Variants in AFF3 observed in about 807,000 individuals in gnomAD.
AFF3 encodes ALF transcription elongation factor 3, also known as AF4/FMR2 family member 3.
In AFF3, 32 loss-of-function variants were observed where a neutral mutation model predicts 129.7. The observed-to-expected ratio is 0.25, with a 90% CI of 0.19 to 0.33. The LOEUF is 0.33. AFF3 is among the 10% of genes least tolerant of loss of function. The pLI, the probability that AFF3 is intolerant of heterozygous loss-of-function variation, is 1.00. For synonymous variants in AFF3, 644 were observed against 635.4 expected, an observed-to-expected ratio of 1.01 and a Z score of -0.20; for missense variants, 1,373 against 1,592.0, an observed-to-expected ratio of 0.86 and a Z score of 2.34.
intron 4 of AFF3, among the ~76,000 whole-genome samples, chr2:100,080,568 GAGGAA>G (rs1325213052): frequency 2.6e-5 from 4 of 152,044 alleles, no homozygotes; most frequent in Non-Finnish European, 5.9e-5. Context: ...GGGAGGGAGG[GAGGAA>G]AGGACAGTCT....
chr2:99,689,643 A>G (rs1034055046), intron 11 of AFF3, among the ~76,000 whole-genome samples: 3 of 102,890 alleles, frequency 2.9e-5, no homozygotes, highest in Non-Finnish European at 5.5e-5. Flanking sequence ...AGACACAGGT[A>G]TTTATTTAAT....
chr2:99,623,256 T>C (rs1404402209), intron 13 of AFF3, among the ~76,000 whole-genome samples: 1 of 151,976 alleles, frequency 6.6e-6, no homozygotes, highest in Non-Finnish European at 1.5e-5. Flanking sequence ...CCACATCATT[T>C]GCAGTGCAAA....
chr2:99,636,813 T>C (rs1046995098), intron 13 of AFF3, among the ~76,000 whole-genome samples: 4 of 152,166 alleles, frequency 2.6e-5, no homozygotes, highest in Non-Finnish European at 5.9e-5. Flanking sequence ...CACATTAACC[T>C]TTCCAAAGCC....
At chr2:100,056,037 CA>C (rs909404430) in intron 4 of AFF3, among the ~76,000 whole-genome samples, 78 of 108,088 alleles carry the variant, frequency 7.2e-4, no homozygotes, top group African/African-American at 1.2e-3. Flanking sequence ...TCACTTAGAA[CA>C]AAAAAAAAAA....
chr2:99,959,696 CATATATATATATAT>C (rs58551565), intron 7 of AFF3, among the ~76,000 whole-genome samples: 36 of 138,156 alleles, frequency 2.6e-4, no homozygotes, highest in African/African-American at 9.2e-4. Flanking sequence ...TAGTGTATAG[CATATATATATATAT>C]ATATATATAT....
intron 7 of AFF3, among the ~76,000 whole-genome samples, chr2:99,881,674 C>CT (rs1692727868): frequency 6.6e-6 from 1 of 151,506 alleles, no homozygotes; most frequent in African/African-American, 2.5e-5. Flanking sequence ...CACGCATTCA[C>CT]TTTTTTGTTT....
chr2:99,563,164 G>A (rs1675629957), intron 20 of AFF3, among the ~76,000 whole-genome samples: 1 of 151,952 alleles, frequency 6.6e-6, no homozygotes, highest in Non-Finnish European at 1.5e-5. Flanking sequence ...GGTGGGCAAT[G>A]TGCGGATGTA....
At chr2:99,776,074 G>T (rs1683881723) in intron 8 of AFF3, among the ~76,000 whole-genome samples, 1 of 152,130 alleles carries the variant, frequency 6.6e-6, no homozygotes, top group Admixed American at 6.5e-5. Context: ...GAAAATGCAT[G>T]ACTATCTCTC....
At chr2:99,779,052 T>C (rs559581935) in intron 8 of AFF3, among the ~76,000 whole-genome samples, 8 of 152,284 alleles carry the variant, frequency 5.3e-5, no homozygotes, top group African/African-American at 1.7e-4. Context: ...CTCTGGCTAG[T>C]ACTTCTAGGA....
chr2:99,633,904 C>T (rs1336778521), intron 13 of AFF3, among the ~76,000 whole-genome samples: 2 of 149,048 alleles, frequency 1.3e-5, no homozygotes, highest in Non-Finnish European at 3.0e-5. Flanking sequence ...CTCTTTTCTT[C>T]CTTCCTTTTT....
chr2:100,100,925 A>G (rs1274485912), intron 4 of AFF3, among the ~76,000 whole-genome samples: 1 of 152,234 alleles, frequency 6.6e-6, no homozygotes, highest in African/African-American at 2.4e-5. Flanking sequence ...AACTCACGGA[A>G]TGCCCAACTC....
intron 8 of AFF3, among the ~76,000 whole-genome samples, chr2:99,835,295 C>T (rs906446409): frequency 6.6e-6 from 1 of 152,194 alleles, no homozygotes; most frequent in African/African-American, 2.4e-5. Context: ...CTGTCTGCCT[C>T]TCCTGCTTAG....
At chr2:99,623,320 G>A (rs1330357918) in intron 13 of AFF3, among the ~76,000 whole-genome samples, 1 of 152,090 alleles carries the variant, frequency 6.6e-6, no homozygotes, top group Non-Finnish European at 1.5e-5. Flanking sequence ...CATCCTAGGC[G>A]CTCAAAATAC....
At chr2:99,981,002 G>C (rs928487210) in intron 7 of AFF3, among the ~76,000 whole-genome samples, 6 of 152,070 alleles carry the variant, frequency 3.9e-5, no homozygotes, top group African/African-American at 1.4e-4. Flanking sequence ...CTCCTCTTCA[G>C]AACTATGTGG....
chr2:99,953,542 C>T (rs73964378), intron 7 of AFF3, among the ~76,000 whole-genome samples: 3,181 of 152,274 alleles, frequency 0.021, 57 homozygotes, highest in Middle Eastern at 0.051. Flanking sequence ...GTCCAAACTA[C>T]AAGTCTTAGA....
Position 99,565,477 on chromosome 2 carries a change from C to A in AFF3, c.3119+10G>T. The A allele has an allele frequency of 6.2e-7, 1 of 1,609,378 alleles. No homozygotes were observed. The highest frequency in any genetic ancestry group is 8.5e-7 in the Non-Finnish European group (1 of 1,176,198). On this transcript the variant is annotated intron_variant, in intron 20 of 24. Transcript: ENST00000672756. ...CCTCCCCTCATCCAGCAAGAAAACA[C>A]GGTGCTTACCTGATGAGCTCTACTG...
intron 7 of AFF3, among the ~76,000 whole-genome samples, chr2:99,976,390 A>C (rs890133453): frequency 6.6e-6 from 1 of 152,224 alleles, no homozygotes; most frequent in Non-Finnish European, 1.5e-5. Context: ...ACTCAATGAA[A>C]TTGTATGGCA....
chr2:99,880,909 C>T lies in AFF3; in HGVS notation c.874-43385G>A, dbSNP rs541845109. Among the ~76,000 whole-genome samples the T allele has an allele frequency of 4.6e-5, 7 of 152,224 alleles. No homozygotes were observed. In the South Asian group the frequency reaches 1.5e-3, roughly 32 times the overall value. ...GGCTGTATCATAATTAGGAAAATTC[C>T]CCTTCTGTCTACCCCGCAAGTCCCA... On this transcript the variant is annotated intron_variant, in intron 7 of 24. Coordinates refer to ENST00000672756, the MANE Select transcript of AFF3 (RefSeq NM_001386135.1).
chr2:99,593,733 G>A lies in AFF3; in HGVS notation c.1928C>T (p.Ser643Phe). The stretch of plus-strand genomic sequence containing the variant: ...GCGGCGCTTCTCGCAGGTCACGGAG[G>A]AGCGCAGCTCCTTGCGGTGGCTCGC... ...NRASHRKELR[S>F]SVTCEKRRTR... Residue 643 changes from serine to phenylalanine, a missense_variant, in exon 15 of 25, where the codon TCC becomes TTC. Transcript: ENST00000672756. The A allele has an allele frequency of 1.2e-6, 2 of 1,612,780 alleles. No individual in the cohort carries two copies. Among genetic ancestry groups the A allele is most frequent in the East Asian group, 2.2e-5 (1 of 44,862 alleles).
Sources: gnomAD v4.1 joint callset for allele counts (sites outside exome capture counted in the v4.1 genomes callset) on GRCh38, gnomAD v4.1.1 for gene constraint, MANE v1.5 for transcripts, NCBI Gene and HGNC (gene_info 2026-07-23, HGNC 2026-07-21) for gene names.